Variants in KCNT2 observed in about 807,000 individuals in gnomAD.
KCNT2 encodes potassium channel subfamily T member 2.
Under a neutral mutation model 153.8 loss-of-function variants are expected in KCNT2, and 67 were observed. That is an observed-to-expected ratio of 0.44 (90% CI 0.36 to 0.53). The LOEUF is 0.53. KCNT2 is among the 20% of genes least tolerant of loss of function. The pLI, the probability that KCNT2 is intolerant of heterozygous loss-of-function variation, is 0.00. For missense variants in KCNT2, 975 were observed against 1,354.8 expected (o/e 0.72, Z 4.40); for synonymous variants, 500 against 458.8 (o/e 1.09, Z -1.15).
At chr1:196,367,541 T>C (rs1668147385) in intron 14 of KCNT2, among the ~76,000 whole-genome samples, 1 of 152,040 alleles carries the variant, frequency 6.6e-6, no homozygotes, top group Non-Finnish European at 1.5e-5. Context: ...ACTTTATAAA[T>C]ATTTACATAA....
rs1329397045 is a variant in KCNT2 at position 196,425,995 on chromosome 1, A to C, written c.985-7T>G. ...AAATCACCACATAATAATCCTATTC[A>C]AAACAAAATGGGCAATGGAATAGAA... On this transcript the variant is annotated splice_polypyrimidine_tract_variant and splice_region_variant and intron_variant, in intron 10 of 27. Transcript: ENST00000294725. 1 of 1,610,028 alleles carries C rather than the reference A, an allele frequency of 6.2e-7. No individual in the cohort carries two copies. Among genetic ancestry groups the C allele is most frequent in the South Asian group, 1.1e-5 (1 of 90,678 alleles).
At chr1:196,336,757 C>T (rs1325938913) in intron 16 of KCNT2, among the ~76,000 whole-genome samples, 2 of 152,148 alleles carry the variant, frequency 1.3e-5, no homozygotes, top group African/African-American at 4.8e-5. Flanking sequence ...ATGTTACGAC[C>T]TATCAGTACT....
intron 11 of KCNT2, among the ~76,000 whole-genome samples, chr1:196,423,751 T>C (rs1442059507): frequency 6.8e-6 from 1 of 147,942 alleles, no homozygotes; most frequent in Non-Finnish European, 1.5e-5. Context: ...AAAAAAATGG[T>C]TTCTATGGGG....
At chr1:196,374,948 A>T (rs775140312) in intron 13 of KCNT2, among the ~76,000 whole-genome samples, 3 of 151,888 alleles carry the variant, frequency 2.0e-5, no homozygotes, top group Admixed American at 2.0e-4. Flanking sequence ...CATATATGCA[A>T]TGTAGCATGC....
intron 26 of KCNT2, among the ~76,000 whole-genome samples, chr1:196,241,280 A>G (rs1353191495): frequency 1.3e-5 from 2 of 152,108 alleles, no homozygotes; most frequent in Non-Finnish European, 1.5e-5. Context: ...CTTCTTCTAC[A>G]TAGTTGGTAA....
At chr1:196,472,904 C>G (rs1384180147) in intron 5 of KCNT2, among the ~76,000 whole-genome samples, 1 of 152,142 alleles carries the variant, frequency 6.6e-6, no homozygotes. Context: ...TACCAATCCC[C>G]TGCACCTTTA....
At chr1:196,545,043 T>G (rs755947696) in intron 1 of KCNT2, among the ~76,000 whole-genome samples, 20 of 152,102 alleles carry the variant, frequency 1.3e-4, no homozygotes, top group Non-Finnish European at 2.6e-4. Context: ...CAAAATATTT[T>G]TTAAAAATCC....
intron 27 of KCNT2, among the ~76,000 whole-genome samples, chr1:196,234,760 T>C (rs1654276691): frequency 6.6e-6 from 1 of 151,476 alleles, no homozygotes; most frequent in Non-Finnish European, 1.5e-5. Flanking sequence ...AACAAAATGT[T>C]CTCAGTCCTG....
chr1:196,424,203 A>G (rs1366992890), intron 11 of KCNT2, among the ~76,000 whole-genome samples: 1 of 151,896 alleles, frequency 6.6e-6, no homozygotes, highest in Non-Finnish European at 1.5e-5. Context: ...TATTGGTAAT[A>G]AATTAGTTAC....
chr1:196,435,139 G>GTATATATATATATA (rs1166021273), intron 8 of KCNT2, among the ~76,000 whole-genome samples: 10 of 45,706 alleles, frequency 2.2e-4, no homozygotes, highest in Admixed American at 3.3e-4. Flanking sequence ...GTGTGTGTAT[G>GTATATATATATATA]TATATATATA....
intron 5 of KCNT2, among the ~76,000 whole-genome samples, 191 bp from the exon 6 acceptor site, chr1:196,469,259 G>T (rs1677878466): frequency 6.6e-6 from 1 of 152,030 alleles, no homozygotes; most frequent in Non-Finnish European, 1.5e-5. Context: ...TCTCAATTTT[G>T]TAAGTTTAAG....
chr1:196,351,752 A>G (rs962870090), intron 14 of KCNT2, among the ~76,000 whole-genome samples: 2 of 152,078 alleles, frequency 1.3e-5, no homozygotes, highest in African/African-American at 4.8e-5. Flanking sequence ...TTGAATAGGA[A>G]TGGTGAGACA....
chr1:196,375,266 A>T (rs951186381), intron 13 of KCNT2, among the ~76,000 whole-genome samples: 5 of 151,786 alleles, frequency 3.3e-5, no homozygotes, highest in African/African-American at 9.7e-5. Flanking sequence ...TTGTATTTGC[A>T]TGTGTCTTTT....
intron 26 of KCNT2, among the ~76,000 whole-genome samples, chr1:196,239,040 T>C (rs1039377271): frequency 6.6e-6 from 1 of 151,936 alleles, no homozygotes; most frequent in Non-Finnish European, 1.5e-5. Context: ...CTATCAATTA[T>C]CATTGACTAT....
At position 196,331,161 on chromosome 1, in the gene KCNT2, C is replaced by A; in HGVS notation, c.2098G>T (p.Asp700Tyr). The change falls in exon 18 of 28, where the codon GAC (aspartate) becomes TAC (tyrosine). Residue 700 changes from aspartate (D) to tyrosine (Y), a missense_variant. By Grantham distance (160) the Asp-to-Tyr change is radical. Around this residue, in one of 6 missense-constraint regions of KCNT2, gnomAD observed 325 missense variants for 388.1 expected, o/e 0.84. Coordinates refer to ENST00000294725, the MANE Select transcript of KCNT2 (RefSeq NM_198503.5). ...AAGCATCAACAAGTACTTACCTTGT[C>A]TAATCTTAAGCAGCAAAATGGTACT... is the stretch of plus-strand genomic sequence containing the variant. Reference protein sequence around the residue: ...EKVPFCCLRLDKSCQHNYYED... With the variant: ...EKVPFCCLRLYKSCQHNYYED... 6.4e-7 allele frequency: 1 copy of A among 1,570,908 alleles called. No homozygotes were observed. The highest frequency in any genetic ancestry group is 1.1e-5 in the South Asian group (1 of 90,144).
At position 196,432,432 on chromosome 1, in the gene KCNT2, C is replaced by T. The variant is rs553440894; in HGVS notation, c.639-2675G>A. Among the ~76,000 whole-genome samples the T allele has an allele frequency of 5.9e-5, 9 of 152,216 alleles. No homozygotes were observed. The South Asian group carries it at 1.0e-3, about 18-fold the overall frequency. On this transcript the variant is annotated intron_variant, in intron 8 of 27. Coordinates refer to ENST00000294725, the MANE Select transcript of KCNT2 (RefSeq NM_198503.5). ...AGATGCTAGACCCCAACTCCGTAAA[C>T]GCTGCTGTGTGGTCTTTGCCAAACA...
chr1:196,422,171 A>G (rs1673266017), intron 12 of KCNT2, among the ~76,000 whole-genome samples: 1 of 152,032 alleles, frequency 6.6e-6, no homozygotes, highest in South Asian at 2.1e-4. Flanking sequence ...GTTTAGGTAA[A>G]TTAGAGTGAG....
intron 12 of KCNT2, among the ~76,000 whole-genome samples, chr1:196,412,723 C>T (rs559911710): frequency 8.6e-5 from 13 of 151,104 alleles, no homozygotes; most frequent in East Asian, 2.0e-4. Context: ...TAAAGCAACA[C>T]GAAAAAGGAA....
intron 8 of KCNT2, among the ~76,000 whole-genome samples, chr1:196,432,142 T>C (rs531819438): frequency 7.9e-5 from 12 of 152,234 alleles, no homozygotes; most frequent in Non-Finnish European, 1.8e-4. Flanking sequence ...CTCAGGATGC[T>C]GCTATGGAAG....
Sources: gnomAD v4.1 joint callset for allele counts (sites outside exome capture counted in the v4.1 genomes callset) on GRCh38, gnomAD v4.1.1 for gene constraint, gnomAD v4.1.1 regional missense constraint, MANE v1.5 for transcripts, NCBI Gene and HGNC (gene_info 2026-07-23, HGNC 2026-07-21) for gene names.